DQX1: variants seen among roughly 807,000 people sequenced by gnomAD.
The protein encoded by DQX1 is ATP-dependent RNA helicase homolog DQX1.
Under a neutral mutation model 81.3 loss-of-function variants are expected in DQX1, and 66 were observed. The ratio of observed to expected loss-of-function variants is 0.81; its 90% confidence interval spans 0.67 to 1.00. The LOEUF (loss-of-function observed/expected upper bound fraction) is 1.00, where lower values mean the gene tolerates loss of function less well. Among genes scored for constraint, DQX1 ranks in the 50% least tolerant of loss-of-function variants. DQX1 has a pLI of 0.00. For synonymous variants in DQX1, 290 were observed against 350.0 expected (o/e 0.83, Z 1.91); for missense variants, 798 against 867.9 (o/e 0.92, Z 1.01).
chr2:74,518,785 C>T (rs779509888), intron 11 of DQX1, among the ~76,000 whole-genome samples, 183 bp from the exon 12 acceptor site: 33 of 152,142 alleles, frequency 2.2e-4, no homozygotes, highest in Non-Finnish European at 2.9e-4. Flanking sequence ...CCTCAATCTC[C>T]CAAGTAGCTG....
At chr2:74,523,622 T>C (rs1383813898) in intron 4 of DQX1, 85 bp from the exon 5 acceptor site, 7 of 1,321,400 alleles carry the variant, frequency 5.3e-6, no homozygotes, top group African/African-American at 4.4e-5. Flanking sequence ...TTGAAAGTTA[T>C]GGCCCTTCAC....
rs554421548 is a variant in DQX1 at position 74,518,941 on chromosome 2, A to G, written c.1997+99T>C. Reference sequence around the variant, plus strand: ...GTCTCCTCAGATCATGTTTTTACTAACCACTAAGATCCCTTCCTCTGTCTC... The same window carrying G: ...GTCTCCTCAGATCATGTTTTTACTAGCCACTAAGATCCCTTCCTCTGTCTC... On this transcript the variant is annotated intron_variant, in intron 11 of 11. Transcript: ENST00000404568. 6.3e-5 allele frequency: 78 copies of G among 1,232,954 alleles called. No homozygotes were observed. In the East Asian group the frequency reaches 1.8e-3, roughly 28 times the overall value. 76.4% of individuals were successfully genotyped at this position (1,232,954 alleles called of 1,614,324 possible).
Position 74,524,993 on chromosome 2 carries a change from C to T in DQX1, c.431+16G>A. The T allele has an allele frequency of 6.2e-7, 1 of 1,607,002 alleles. No homozygotes were observed. The highest frequency in any genetic ancestry group is 8.5e-7 in the Non-Finnish European group (1 of 1,175,650). The stretch of plus-strand genomic sequence containing the variant: ...AAGGGGAATTATATTCGGGTAAGGC[C>T]TGCAGAGGCCCCCACCTGAGCAGGG... On this transcript the variant is annotated intron_variant, in intron 3 of 11. Transcript: ENST00000404568.
rs1054700821 is a variant in DQX1, at chr2:74,518,622, T to G, written c.1998-20A>C. 1 of 1,611,388 alleles carries G rather than the reference T, an allele frequency of 6.2e-7. No homozygotes were observed. The highest frequency in any genetic ancestry group is 8.5e-7 in the Non-Finnish European group (1 of 1,177,750). On this transcript the variant is annotated intron_variant, in intron 11 of 11. Coordinates refer to ENST00000404568, the MANE Select transcript of DQX1 (RefSeq NM_133637.3). ...ACCAGCCTAATAGAGAGAGTCATAA[T>G]TAGATGATCTGCATCTTCTCTCTCT... is the stretch of plus-strand genomic sequence containing the variant.
At chr2:74,520,096 C>T (rs2104334930) in intron 8 of DQX1, 62 bp from the exon 9 acceptor site, 2 of 1,578,074 alleles carry the variant, frequency 1.3e-6, no homozygotes, top group East Asian at 2.3e-5. Context: ...GATAGTAGTA[C>T]AGGTAGAATG....
At chr2:74,519,414 A>G in intron 10 of DQX1, 142 bp downstream of exon 10, 2 of 1,333,318 alleles carry the variant, frequency 1.5e-6, no homozygotes, top group South Asian at 2.8e-5. Context: ...TGTACCTCAA[A>G]TCCTCAAGGG....
chr2:74,520,027 A>C lies in DQX1; in HGVS notation c.1503T>G (p.Pro501=). Residue 501 remains proline (P), a synonymous_variant, in exon 9 of 12, where the codon CCT becomes CCG. Transcript: ENST00000404568. ...CACTGAGTGGAGGACGGGTAAACCCAGGGGCAGCTGGAGGCAGAAGAGTGG... is the reference window on the plus strand; with the variant it reads ...CACTGAGTGGAGGACGGGTAAACCCCGGGGCAGCTGGAGGCAGAAGAGTGG... The part of the protein sequence containing the change: ...LTLAAMLTAA[P]GFTRPPLSAE... 1 of 1,612,432 alleles carries C rather than the reference A, an allele frequency of 6.2e-7. No individual in the cohort carries two copies. The highest frequency in any genetic ancestry group is 8.5e-7 in the Non-Finnish European group (1 of 1,178,622).
chr2:74,521,035 G>A (rs1391239300), intron 8 of DQX1, among the ~76,000 whole-genome samples: 1 of 152,154 alleles, frequency 6.6e-6, no homozygotes, highest in Non-Finnish European at 1.5e-5. Flanking sequence ...CTAGTTAGGA[G>A]GCTACTGAGG....
Position 74,523,529 on chromosome 2 carries a change from G to A in DQX1, c.825C>T (p.Ser275=), listed in dbSNP as rs1363135395. 2 of 1,613,846 alleles carry A rather than the reference G, an allele frequency of 1.2e-6. No homozygotes were observed. Among genetic ancestry groups the A allele is most frequent in the East Asian group, 4.5e-5 (2 of 44,894 alleles). ...CCCTGGACAAGGATTCACAGCACAG[G>A]GAAATTTCCTGAGAAGAAGGGTGGG... ...LVFLPSEEEI[S]LCCESLSREV... The change falls in exon 5 of 12, where the codon TCC becomes TCT. Residue 275 remains serine, a synonymous_variant. Transcript: ENST00000404568.
chr2:74,519,536 C>T lies in DQX1; in HGVS notation c.1806+20G>A. ...CCTTTTGCTCCTTTGATCACCCTCACCCCCACCCTTTCCTCTAACCTTGAG... is the reference window on the plus strand; with the variant it reads ...CCTTTTGCTCCTTTGATCACCCTCATCCCCACCCTTTCCTCTAACCTTGAG... On this transcript the variant is annotated intron_variant, in intron 10 of 11. Transcript: ENST00000404568. 6 of 1,612,922 alleles carry T rather than the reference C, an allele frequency of 3.7e-6. No homozygotes were observed. The highest frequency in any genetic ancestry group is 5.1e-6 in the Non-Finnish European group (6 of 1,179,016).
Position 74,525,291 on chromosome 2 carries a change from T to C in DQX1, c.238-89A>G. ...AGGGAACTATGGCCACTTTAATCTTTCCTTATTTGGGGAGTCCCCTGGTCT... is the reference window on the plus strand; with the variant it reads ...AGGGAACTATGGCCACTTTAATCTTCCCTTATTTGGGGAGTCCCCTGGTCT... On this transcript the variant is annotated intron_variant, in intron 2 of 11. Coordinates refer to ENST00000404568, the MANE Select transcript of DQX1 (RefSeq NM_133637.3). The surrounding 1 kb of genome is among the most constrained non-coding windows in gnomAD (Gnocchi z 4.1). 1 of 1,397,200 alleles carries C rather than the reference T, an allele frequency of 7.2e-7. No homozygotes were observed. Among genetic ancestry groups the C allele is most frequent in the Non-Finnish European group, 9.5e-7 (1 of 1,047,694 alleles). The allele number at this position is 1,397,200 out of a possible 1,614,324, so 86.6% of individuals were successfully genotyped here. A position where few individuals can be genotyped will look rare whatever the true frequency, so the allele number is the denominator to read the frequency against.
Position 74,523,479 on chromosome 2 carries a change from C to T in DQX1, c.875G>A (p.Gly292Glu). Reference protein sequence around the residue: ...SREVESLLLQGLPPRVLPLHP... With the variant: ...SREVESLLLQELPPRVLPLHP... Reference sequence around the variant, plus strand: ...AAGGGGCAGTACTCGTGGTGGAAGCCCTTGGAGAAGCAAGGACTCTACCTC... The same window carrying T: ...AAGGGGCAGTACTCGTGGTGGAAGCTCTTGGAGAAGCAAGGACTCTACCTC... The change falls in exon 5 of 12, where the codon GGG becomes GAG. Residue 292 changes from glycine to glutamate, a missense_variant. Coordinates refer to ENST00000404568, the MANE Select transcript of DQX1 (RefSeq NM_133637.3). 1 of 1,614,066 alleles carries T rather than the reference C, an allele frequency of 6.2e-7. No homozygotes were observed. The highest frequency in any genetic ancestry group is 8.5e-7 in the Non-Finnish European group (1 of 1,180,014).
rs769504542 is a variant in DQX1 at position 74,519,273 on chromosome 2, A to G, written c.1807-43T>C. 3.6e-5 allele frequency: 54 copies of G among 1,518,634 alleles called. No individual in the cohort carries two copies. The Admixed American group carries it at 1.1e-3, about 32-fold the overall frequency. 94.1% of individuals were successfully genotyped at this position (1,518,634 alleles called of 1,614,324 possible). On this transcript the variant is annotated intron_variant, in intron 10 of 11. Transcript: ENST00000404568. ...ATATTGACGGAATAAATAAAAGGGA[A>G]GAGGCAGGCAGTAGAAAAAAATAAA...
At position 74,524,314 on chromosome 2, in the gene DQX1, A is replaced by T; in HGVS notation, c.432-7T>A. Reference sequence around the variant, plus strand: ...CAGCCTGTCCCAGCAGAACCTGTTGACATTGGTAGTGGGCAGAGGAATCAG... The same window carrying T: ...CAGCCTGTCCCAGCAGAACCTGTTGTCATTGGTAGTGGGCAGAGGAATCAG... On this transcript the variant is annotated splice_polypyrimidine_tract_variant and splice_region_variant and intron_variant, in intron 3 of 11. Transcript: ENST00000404568. The T allele has an allele frequency of 6.2e-7, 1 of 1,606,880 alleles. No individual in the cohort carries two copies. Among genetic ancestry groups the T allele is most frequent in the African/African-American group, 1.3e-5 (1 of 74,954 alleles).
At chr2:74,526,032 ATG>A (rs1675173201) in intron 1 of DQX1, 102 bp downstream of exon 1, 1 of 360,112 alleles carries the variant, frequency 2.8e-6, no homozygotes, top group Non-Finnish European at 5.2e-6. Flanking sequence ...AGTAGAAATT[ATG>A]TGAGACCTAG....
intron 9 of DQX1, 53 bp downstream of exon 9, chr2:74,519,862 A>G: frequency 6.2e-7 from 1 of 1,602,362 alleles, no homozygotes; most frequent in Non-Finnish European, 8.5e-7. Flanking sequence ...TGGCTGCATA[A>G]AATTTCCCCT....
rs748362856 is a variant in DQX1, at chr2:74,519,993, C to A, written c.1537G>T (p.Ala513Ser). The A allele has an allele frequency of 3.1e-6, 5 of 1,614,182 alleles. No homozygotes were observed. The highest frequency in any genetic ancestry group is 3.4e-6 in the Non-Finnish European group (4 of 1,180,010). The change falls in exon 9 of 12, where the codon GCT (alanine) becomes TCT (serine). Residue 513 changes from alanine to serine, a missense_variant. Coordinates refer to ENST00000404568, the MANE Select transcript of DQX1 (RefSeq NM_133637.3). ...TGTTCCAGGGCCCGACGCAGGGCAG[C>A]TTCTTCTGCACTGAGTGGAGGACGG... ...FTRPPLSAEE[A>S]ALRRALEHTD...
chr2:74,522,480 C>G (rs916746839), intron 8 of DQX1, 100 bp downstream of exon 8: 10 of 1,428,528 alleles, frequency 7.0e-6, no homozygotes, highest in Non-Finnish European at 9.5e-6. Flanking sequence ...GGGGTGGCAA[C>G]TGGAGCAGAG....
chr2:74,520,144 A>G (rs1252114140), intron 8 of DQX1, 110 bp from the exon 9 acceptor site: 4 of 1,398,836 alleles, frequency 2.9e-6, no homozygotes, highest in Non-Finnish European at 3.9e-6. Context: ...AACTTTATTC[A>G]AAAGACATAG....
Sources: allele counts gnomAD v4.1 joint callset (sites outside exome capture counted in the v4.1 genomes callset), GRCh38; gene constraint gnomAD v4.1.1; non-coding constraint Gnocchi (gnomAD v3.1); transcripts MANE v1.5; gene names NCBI Gene and HGNC (gene_info 2026-07-23, HGNC 2026-07-21).